Variants in ZNF710 observed in about 807,000 individuals in gnomAD.
ZNF710 encodes zinc finger protein 710.
Under a neutral mutation model 50.6 loss-of-function variants are expected in ZNF710, and 13 were observed. That is an observed-to-expected ratio of 0.26 (90% CI 0.17 to 0.41). ZNF710 has a LOEUF of 0.41. Ranked by LOEUF, ZNF710 falls within the 10% of genes least tolerant of loss-of-function variation. The pLI, the probability that ZNF710 is intolerant of heterozygous loss-of-function variation, is 1.00. For missense variants in ZNF710, 721 were observed against 936.6 expected (o/e 0.77, Z 3.01); for synonymous variants, 383 against 397.0 (o/e 0.96, Z 0.42).
chr15:90,001,929 C>T (rs370005038), intron 1 of ZNF710, among the ~76,000 whole-genome samples: 2 of 122,612 alleles, frequency 1.6e-5, no homozygotes, highest in East Asian at 5.0e-4. Flanking sequence ...AGGGAGGGAG[C>T]GAGCGAAAGA....
At chr15:90,026,094 A>G (rs1898767153) in intron 1 of ZNF710, 2 of 152,104 alleles carry the variant, frequency 1.3e-5, no homozygotes, top group Non-Finnish European at 1.5e-5. Flanking sequence ...AAAAAATAGT[A>G]AAGATAAAGG....
upstream of ZNF710, among the ~76,000 whole-genome samples, chr15:89,998,722 A>C (rs547106385): frequency 5.3e-5 from 8 of 152,328 alleles, no homozygotes; most frequent in African/African-American, 7.2e-5. Flanking sequence ...GCCTCACAAC[A>C]AACTGTGAAG....
chr15:90,035,045 T>C (rs991385739), intron 1 of ZNF710, among the ~76,000 whole-genome samples: 1 of 152,230 alleles, frequency 6.6e-6, no homozygotes, highest in East Asian at 1.9e-4. Context: ...CGTATAGTAC[T>C]GGGATTTTGG....
chr15:90,015,324 C>T (rs1596266357), intron 1 of ZNF710, among the ~76,000 whole-genome samples: 1 of 152,302 alleles, frequency 6.6e-6, no homozygotes, highest in East Asian at 1.9e-4. Context: ...TGGTGGGGAA[C>T]AGATACTCTC....
intron 1 of ZNF710, among the ~76,000 whole-genome samples, chr15:90,048,106 GCCAGC>G (rs1218040579): frequency 6.6e-6 from 1 of 152,256 alleles, no homozygotes; most frequent in African/African-American, 2.4e-5. Context: ...TCTCAGGGCA[GCCAGC>G]CAGTCTGTGA....
intron 1 of ZNF710, among the ~76,000 whole-genome samples, chr15:90,014,485 TG>T (rs1898396452): frequency 6.8e-6 from 1 of 146,612 alleles, no homozygotes; most frequent in Non-Finnish European, 1.5e-5. Flanking sequence ...GAATCCAGTC[TG>T]GGAAACATAG....
chr15:90,054,530 C>T lies in ZNF710; in HGVS notation c.-28-12580C>T, dbSNP rs542874522. The stretch of plus-strand genomic sequence containing the variant: ...GCTGGGGCCTGCTCTATCCTGCCTG[C>T]AGGGGACTGCCTCAGTTTCCACGTC... On this transcript the variant is annotated intron_variant, in intron 1 of 4. Transcript: ENST00000268154. Among the ~76,000 whole-genome samples the T allele has an allele frequency of 6.2e-4, 94 of 152,312 alleles. 1 individual carries two copies. The highest frequency in any genetic ancestry group is 1.2e-3 in the Admixed American group (18 of 15,302).
At chr15:90,057,336 G>A (rs1899850478) in intron 1 of ZNF710, among the ~76,000 whole-genome samples, 1 of 152,118 alleles carries the variant, frequency 6.6e-6, no homozygotes, top group South Asian at 2.1e-4. Flanking sequence ...CCTGGGGTGG[G>A]GAGGGGCCTC....
At chr15:90,035,324 G>T (rs768115955) in intron 1 of ZNF710, among the ~76,000 whole-genome samples, 1 of 152,184 alleles carries the variant, frequency 6.6e-6, no homozygotes, top group African/African-American at 2.4e-5. Flanking sequence ...AGCATTGGCC[G>T]TCCGGCTCCT....
chr15:90,011,210 G>A (rs546874005), intron 1 of ZNF710, among the ~76,000 whole-genome samples: 6 of 152,260 alleles, frequency 3.9e-5, no homozygotes, highest in Non-Finnish European at 7.4e-5. Context: ...GATTACAGGC[G>A]TGAGCCACTG....
intron 1 of ZNF710, among the ~76,000 whole-genome samples, chr15:90,058,371 A>G (rs1378626948): frequency 6.6e-6 from 1 of 152,082 alleles, no homozygotes; most frequent in Non-Finnish European, 1.5e-5. Context: ...CTGCCTGGAC[A>G]CCACCCCAAG....
chr15:90,076,454 G>A (rs1216120410), intron 4 of ZNF710: 1 of 152,178 alleles, frequency 6.6e-6, no homozygotes, highest in Non-Finnish European at 1.5e-5. Flanking sequence ...AATTTGTTAG[G>A]CTGGGCGTAC....
Position 90,067,791 on chromosome 15 carries a change from C to A in ZNF710, c.654C>A (p.Phe218Leu). 6 of 1,581,352 alleles carry A rather than the reference C, an allele frequency of 3.8e-6. No homozygotes were observed. The highest frequency in any genetic ancestry group is 5.2e-6 in the Non-Finnish European group (6 of 1,164,608). ...GPEALPTECGFEPPHLAPLSD... is the reference protein window; with the variant it reads ...GPEALPTECGLEPPHLAPLSD... ...AGGCCTTGCCCACAGAGTGTGGGTT[C>A]GAGCCACCCCACCTGGCCCCCCTGA... The change falls in exon 2 of 5, where the codon TTC becomes TTA. Residue 218 changes from phenylalanine (F) to leucine (L), a missense_variant. Transcript: ENST00000268154. This position sits in a 1 kb window ranked among gnomAD's most constrained non-coding sequence, Gnocchi z 8.1.
chr15:90,069,829 C>T lies in ZNF710; in HGVS notation c.1458+1234C>T, dbSNP rs187163212. Among the ~76,000 whole-genome samples, 12 of 152,282 alleles carry T rather than the reference C, an allele frequency of 7.9e-5. No homozygotes were observed. The East Asian group carries it at 1.4e-3, about 17-fold the overall frequency. Reference sequence around the variant, plus strand: ...CCGTACTCCCCTGCCCTCCATTCCCCGCCTTCAGCCACCAGCCTCCCCGCT... The same window carrying T: ...CCGTACTCCCCTGCCCTCCATTCCCTGCCTTCAGCCACCAGCCTCCCCGCT... On this transcript the variant is annotated intron_variant, in intron 2 of 4. Transcript: ENST00000268154.
rs965865515 is a variant in ZNF710 at position 90,040,616 on chromosome 15, G to GT, written c.-28-26488dup. ...TGCTTGTTTGCTTGCTTTTAATTTT[G>GT]TTTTTTATCAGAGTAATATATGCAT... is the stretch of plus-strand genomic sequence containing the variant. On this transcript the variant is annotated intron_variant, in intron 1 of 4. Coordinates refer to ENST00000268154, the MANE Select transcript of ZNF710 (RefSeq NM_198526.4). This position sits in a 1 kb window ranked among gnomAD's most constrained non-coding sequence, Gnocchi z 4.6. Among the ~76,000 whole-genome samples, 6 of 151,998 alleles carry GT rather than the reference G, an allele frequency of 3.9e-5. No homozygotes were observed. Among genetic ancestry groups the GT allele is most frequent in the African/African-American group, 1.4e-4 (6 of 41,390 alleles).
At position 90,034,604 on chromosome 15, in the gene ZNF710, G is replaced by C. The variant is rs139152966; in HGVS notation, c.-28-32506G>C. Among the ~76,000 whole-genome samples the C allele has an allele frequency of 0.016, 2,380 of 152,166 alleles. 68 individuals carry two copies. Among genetic ancestry groups the C allele is most frequent in the African/African-American group, 0.054 (2,260 of 41,482 alleles). On this transcript the variant is annotated intron_variant, in intron 1 of 4. Coordinates refer to ENST00000268154, the MANE Select transcript of ZNF710 (RefSeq NM_198526.4). The surrounding 1 kb of genome is among the most constrained non-coding windows in gnomAD (Gnocchi z 4.0). ...CCCTAGCAGCAGGGGAAGCCTGGCA[G>C]CTTGGCTGAGCCTCCTCCGGCCTCT... is the stretch of plus-strand genomic sequence containing the variant.
intron 4 of ZNF710, among the ~76,000 whole-genome samples, chr15:90,077,731 G>A (rs911399802): frequency 5.3e-5 from 8 of 152,216 alleles, no homozygotes; most frequent in Middle Eastern, 3.4e-3. Context: ...ATTCAGACTG[G>A]CCTAAACAAT....
intron 1 of ZNF710, among the ~76,000 whole-genome samples, chr15:90,057,774 A>G (rs1021918893): frequency 6.6e-6 from 1 of 151,784 alleles, no homozygotes; most frequent in Non-Finnish European, 1.5e-5. Context: ...TCCCATGTCC[A>G]GGCCCTGAAC....
Position 90,024,054 on chromosome 15 carries a change from G to C in ZNF710, c.-29+22440G>C, listed in dbSNP as rs1038255625. On this transcript the variant is annotated intron_variant, in intron 1 of 4. Transcript: ENST00000268154. ...AGAACACCCAGCCATGGAGTAGGGA[G>C]GGGGCAAGGACCAGGTTTATAGAGA... 4.6e-5 allele frequency among the ~76,000 whole-genome samples: 7 copies of C among 151,642 alleles called. 1 individual carries two copies. The East Asian group carries it at 1.2e-3, about 25-fold the overall frequency.
Sources: allele counts gnomAD v4.1 joint callset (sites outside exome capture counted in the v4.1 genomes callset), GRCh38; gene constraint gnomAD v4.1.1; non-coding constraint Gnocchi (gnomAD v3.1); transcripts MANE v1.5; gene names NCBI Gene and HGNC (gene_info 2026-07-23, HGNC 2026-07-21).